Variants in UNC93A observed in about 807,000 individuals in gnomAD.
UNC93A encodes N-acetylglucosamine transporter UNC93A.
Under a neutral mutation model 47.5 loss-of-function variants are expected in UNC93A, and 43 were observed. The ratio of observed to expected loss-of-function variants is 0.91; its 90% CI spans 0.71 to 1.17. The LOEUF (loss-of-function observed/expected upper bound fraction) is 1.17, where lower values mean the gene tolerates loss of function less well. Ranked by LOEUF, UNC93A falls within the 50% of genes most tolerant of loss-of-function variation. The pLI is 0.00. For missense variants in UNC93A, 605 were observed against 577.6 expected (o/e 1.05, Z -0.49); for synonymous variants, 280 against 258.0 (o/e 1.09, Z -0.82).
chr6:167,315,275 C>G lies in UNC93A; in HGVS notation c.1197C>G (p.Phe399Leu). The G allele has an allele frequency of 1.2e-6, 2 of 1,613,538 alleles. No individual in the cohort carries two copies. The highest frequency in any genetic ancestry group is 1.7e-6 in the Non-Finnish European group (2 of 1,179,746). The change falls in exon 8 of 8, where the codon TTC becomes TTG. Residue 399 changes from phenylalanine (F) to leucine (L), a missense_variant. Phe to Leu is a conservative substitution (Grantham distance 22). Transcript: ENST00000230256. ...AGGCCCTGGGCTTCGTCATTGCCTT[C>G]GGGTACAGCATGTTTTTGTGCGTGC... ...LWEALGFVIA[F>L]GYSMFLCVHV...
At chr6:167,280,555 A>G (rs111854789) in intron 1 of UNC93A, among the ~76,000 whole-genome samples, 5 of 152,310 alleles carry the variant, frequency 3.3e-5, no homozygotes, top group African/African-American at 7.2e-5. Context: ...TAATTTAAAA[A>G]GAATTATGAA....
chr6:167,277,540 C>G (rs567069840), intron 1 of UNC93A, among the ~76,000 whole-genome samples: 32 of 152,286 alleles, frequency 2.1e-4, no homozygotes, highest in African/African-American at 6.3e-4. Context: ...GCAGAAGAGG[C>G]AGATTGCAGG....
rs1387041240 is a variant in UNC93A, at chr6:167,307,545, A to G, written c.977-234A>G. Among the ~76,000 whole-genome samples, 11 of 149,580 alleles carry G rather than the reference A, an allele frequency of 7.4e-5. No individual in the cohort carries two copies. In the East Asian group the frequency reaches 1.8e-3, roughly 24 times the overall value. ...GACAATTCCAGAGGATGGTTGAGAC[A>G]GTTGAGATGGTTGAGACGGTTCCAG... is the stretch of plus-strand genomic sequence containing the variant. On this transcript the variant is annotated intron_variant, in intron 6 of 7. Coordinates refer to ENST00000230256, the MANE Select transcript of UNC93A (RefSeq NM_018974.4).
Position 167,298,072 on chromosome 6 carries a change from T to C in UNC93A, c.625+2T>C, listed in dbSNP as rs945441135. ...ACACCCTCCTGGGCATCTACACTGG[T>C]ACGAGCTCCATCGGCCCAGGGCAGG... On this transcript the variant is annotated splice_donor_variant, in intron 4 of 7. Coordinates refer to ENST00000230256, the MANE Select transcript of UNC93A (RefSeq NM_018974.4). LOFTEE classifies it high-confidence loss of function. 5 of 1,613,390 alleles carry C rather than the reference T, an allele frequency of 3.1e-6. No individual in the cohort carries two copies. Among genetic ancestry groups the C allele is most frequent in the African/African-American group, 2.7e-5 (2 of 74,858 alleles).
At chr6:167,304,407 C>A (rs539955971) in intron 5 of UNC93A, among the ~76,000 whole-genome samples, 69 of 152,334 alleles carry the variant, frequency 4.5e-4, no homozygotes, top group Non-Finnish European at 6.9e-4. Context: ...GGAGCCGGAA[C>A]AAGTGGATGG....
At chr6:167,305,717 A>T (rs1778366600) in intron 5 of UNC93A, among the ~76,000 whole-genome samples, 198 bp from the exon 6 acceptor site, 1 of 152,128 alleles carries the variant, frequency 6.6e-6, no homozygotes, top group South Asian at 2.1e-4. Flanking sequence ...GCCTCCTTTT[A>T]GTTCTCCCCA....
intron 7 of UNC93A, among the ~76,000 whole-genome samples, chr6:167,312,617 C>T (rs1438841931): frequency 2.6e-5 from 4 of 152,222 alleles, no homozygotes; most frequent in Admixed American, 1.3e-4. Context: ...GCGTAGCTGT[C>T]GCTCCATTCT....
In UNC93A at chr6:167,291,368, C is replaced by A; in HGVS notation, c.-122C>A. 1 of 767,860 alleles carries A rather than the reference C, an allele frequency of 1.3e-6. No homozygotes were observed. Among genetic ancestry groups the A allele is most frequent in the Non-Finnish European group, 2.1e-6 (1 of 477,654 alleles). The allele number at this position is 767,860 out of a possible 1,614,324, so 47.6% of individuals were successfully genotyped here. ...CACACCTCTAACATTTCACCTCTAG[C>A]TCAGATGAGAGAGAGAATGGGACTT... On this transcript the variant is annotated 5_prime_UTR_variant, in exon 1 of 8. Coordinates refer to ENST00000230256, the MANE Select transcript of UNC93A (RefSeq NM_018974.4).
At position 167,294,685 on chromosome 6, in the gene UNC93A, T is replaced by G; in HGVS notation, c.256T>G (p.Phe86Val). 1 of 1,596,514 alleles carries G rather than the reference T, an allele frequency of 6.3e-7. No individual in the cohort carries two copies. The highest frequency in any genetic ancestry group is 1.1e-5 in the South Asian group (1 of 89,186). Residue 86 changes from phenylalanine (F) to valine (V), a missense_variant, in exon 2 of 8, where the codon TTC becomes GTC. By Grantham distance (50) the Phe-to-Val change is conservative. Coordinates refer to ENST00000230256, the MANE Select transcript of UNC93A (RefSeq NM_018974.4). The part of the protein sequence containing the change: ...CGYVAFSVGN[F>V]FASWYTLIPT... ...CTACGTGGCCTTCTCCGTGGGCAAC[T>G]TCTTCGCCAGCTGGTACGCAGCCAC...
At chr6:167,273,889 T>G (rs375786) in intron 1 of UNC93A, among the ~76,000 whole-genome samples, 1 of 151,650 alleles carries the variant, frequency 6.6e-6, no homozygotes, top group Middle Eastern at 3.4e-3. Flanking sequence ...GTCCTTACTA[T>G]GCTGATGCAG....
At chr6:167,299,079 C>T (rs562087332) in intron 4 of UNC93A, among the ~76,000 whole-genome samples, 1 of 148,446 alleles carries the variant, frequency 6.7e-6, no homozygotes, top group African/African-American at 2.5e-5. Context: ...GATCGCGCTG[C>T]TGCACTCCAG....
intron 4 of UNC93A, among the ~76,000 whole-genome samples, chr6:167,300,780 G>A (rs908033808): frequency 6.6e-6 from 1 of 152,236 alleles, no homozygotes. Flanking sequence ...TGGGGGACTC[G>A]GGGACATTGA....
At chr6:167,301,412 A>G (rs4709160) in intron 4 of UNC93A, among the ~76,000 whole-genome samples, 45,769 of 152,186 alleles carry the variant, frequency 0.3, 7,266 homozygotes, top group African/African-American at 0.39. Context: ...AAGCAAGACC[A>G]TGTCTCCATA....
rs1186041971 is a variant in UNC93A, at chr6:167,296,165, A to G, written c.403A>G (p.Asn135Asp). The G allele has an allele frequency of 1.2e-6, 2 of 1,614,118 alleles. No homozygotes were observed. The highest frequency in any genetic ancestry group is 1.7e-6 in the Non-Finnish European group (2 of 1,180,050). The change falls in exon 3 of 8, where the codon AAC becomes GAC. Residue 135 changes from asparagine to aspartate, a missense_variant. Physicochemically the swap from Asn to Asp is conservative, Grantham distance 23. Coordinates refer to ENST00000230256, the MANE Select transcript of UNC93A (RefSeq NM_018974.4). ...KAGKRGKDMV[N>D]QYFGIFFLIF... ...GGGAAAGCGTGGCAAAGACATGGTG[A>G]ACCAGTATTTTGGCATCTTCTTCCT...
At chr6:167,299,920 C>G (rs965712267) in intron 4 of UNC93A, among the ~76,000 whole-genome samples, 1 of 152,286 alleles carries the variant, frequency 6.6e-6, no homozygotes, top group East Asian at 1.9e-4. Context: ...GCCAGCGTGA[C>G]TTAGAGGTGC....
chr6:167,312,493 T>C (rs1193791984), intron 7 of UNC93A, among the ~76,000 whole-genome samples: 1 of 152,254 alleles, frequency 6.6e-6, no homozygotes, highest in African/African-American at 2.4e-5. Context: ...TACTCAATCA[T>C]TGATCTGCAT....
chr6:167,315,322 T>G lies in UNC93A; in HGVS notation c.1244T>G (p.Leu415Arg). Residue 415 changes from leucine (L) to arginine (R), a missense_variant, in exon 8 of 8, where the codon CTG becomes CGG. Physicochemically the swap from Leu to Arg is moderately radical, Grantham distance 102 (BLOSUM62 -2). Transcript: ENST00000230256. ...GTGCACGTCAAGCTCTACATTCTGC[T>G]GGGGGTCCTGAGCCTGACCATGGTG... is the stretch of plus-strand genomic sequence containing the variant. The part of the protein sequence containing the change: ...LCVHVKLYIL[L>R]GVLSLTMVAY... 1.2e-6 allele frequency: 2 copies of G among 1,613,910 alleles called. No homozygotes were observed. The highest frequency in any genetic ancestry group is 2.2e-5 in the East Asian group (1 of 44,862).
At chr6:167,301,967 C>A (rs1365891743) in intron 4 of UNC93A, among the ~76,000 whole-genome samples, 1 of 152,176 alleles carries the variant, frequency 6.6e-6, no homozygotes, top group African/African-American at 2.4e-5. Flanking sequence ...CCAAGAAACA[C>A]CTGTGGCAGC....
At chr6:167,307,650 T>G (rs1408682526) in intron 6 of UNC93A, 129 bp from the exon 7 acceptor site, 3 of 1,177,456 alleles carry the variant, frequency 2.5e-6, no homozygotes, top group East Asian at 5.1e-5. Context: ...TTGAGATGGT[T>G]GAGACGGTTC....
Sources: allele counts gnomAD v4.1 joint callset (sites outside exome capture counted in the v4.1 genomes callset), GRCh38; gene constraint gnomAD v4.1.1; transcripts MANE v1.5; gene names NCBI Gene and HGNC (gene_info 2026-07-23, HGNC 2026-07-21).